The following BRINP2 variants were observed in gnomAD, a reference collection of about 807,000 sequenced individuals.
BRINP2 encodes BMP/retinoic acid inducible neural specific 2, also known as BMP/retinoic acid-inducible neural-specific protein 2.
A neutral mutation model predicts 69.2 loss-of-function variants in BRINP2; 21 were observed. That is an observed-to-expected ratio of 0.30 (90% CI 0.22 to 0.44). BRINP2 has a LOEUF of 0.44. BRINP2 is among the 20% of genes least tolerant of loss of function. The pLI, the probability that BRINP2 is intolerant of heterozygous loss-of-function variation, is 1.00. For synonymous variants in BRINP2, 380 were observed against 394.1 expected (o/e 0.96, Z 0.42); for missense variants, 877 against 986.0 (o/e 0.89, Z 1.48).
chr1:177,223,073 G>A (rs2102319966), intron 1 of BRINP2, among the ~76,000 whole-genome samples: 1 of 152,250 alleles, frequency 6.6e-6, no homozygotes, highest in Non-Finnish European at 1.5e-5. Context: ...GGGAGGCTCC[G>A]GAGTAGAAGG....
intron 1 of BRINP2, among the ~76,000 whole-genome samples, chr1:177,227,748 T>A (rs1191368088): frequency 6.6e-6 from 1 of 152,202 alleles, no homozygotes; most frequent in African/African-American, 2.4e-5. Flanking sequence ...AAATATTCCA[T>A]CCTCCATGCA....
intron 1 of BRINP2, among the ~76,000 whole-genome samples, chr1:177,177,364 C>A (rs1048452657): frequency 6.6e-6 from 1 of 152,164 alleles, no homozygotes; most frequent in Non-Finnish European, 1.5e-5. Flanking sequence ...GGAGAAGACA[C>A]AATAATTGAA....
intron 2 of BRINP2, among the ~76,000 whole-genome samples, chr1:177,244,584 C>T (rs547738135): frequency 2.2e-4 from 34 of 152,296 alleles, no homozygotes; most frequent in South Asian, 8.3e-4. Flanking sequence ...GAGCCGAGAT[C>T]ATGCCACTAC....
chr1:177,275,307 A>G (rs1651457349), intron 5 of BRINP2: 1 of 451,690 alleles, frequency 2.2e-6, no homozygotes, highest in African/African-American at 2.0e-5. Context: ...AGTGCATTCT[A>G]TCCAAGATCA....
chr1:177,257,479 G>A lies in BRINP2; in HGVS notation c.669+95G>A, dbSNP rs149400983. The A allele has an allele frequency of 1.7e-4, 200 of 1,195,706 alleles. 1 individual carries two copies. The African/African-American group carries it at 2.5e-3, about 15-fold the overall frequency. The allele number at this position is 1,195,706 out of a possible 1,614,324, so 74.1% of individuals were successfully genotyped here. ...CAACCATCTCTAGGTCAGCTGGGCCGACTGATGGAAGAGGAAAAGAAGCTT... is the reference window on the plus strand; with the variant it reads ...CAACCATCTCTAGGTCAGCTGGGCCAACTGATGGAAGAGGAAAAGAAGCTT... On this transcript the variant is annotated intron_variant, in intron 4 of 7. Transcript: ENST00000361539.
intron 1 of BRINP2, among the ~76,000 whole-genome samples, chr1:177,198,445 C>A (rs1479643596): frequency 1.3e-5 from 2 of 152,180 alleles, no homozygotes; most frequent in East Asian, 3.8e-4. Flanking sequence ...TGCACACACA[C>A]ACCCAGTTCT....
intron 3 of BRINP2, chr1:177,256,372 G>A (rs897346001): frequency 1.0e-6 from 1 of 985,422 alleles, no homozygotes; most frequent in African/African-American, 1.7e-5. Context: ...TTGCCAGCAG[G>A]GGGCACTCCC....
intron 4 of BRINP2, among the ~76,000 whole-genome samples, chr1:177,259,953 G>A (rs1485457744): frequency 1.3e-5 from 2 of 152,182 alleles, no homozygotes; most frequent in East Asian, 1.9e-4. Context: ...GAATCAAGGA[G>A]TAATTTTGAC....
intron 2 of BRINP2, among the ~76,000 whole-genome samples, chr1:177,234,723 G>C (rs1457878880): frequency 6.6e-6 from 1 of 152,150 alleles, no homozygotes; most frequent in Non-Finnish European, 1.5e-5. Flanking sequence ...TCTACTTCTA[G>C]CTACCTCTTT....
At chr1:177,186,334 G>T (rs561322618) in intron 1 of BRINP2, among the ~76,000 whole-genome samples, 4 of 151,072 alleles carry the variant, frequency 2.6e-5, no homozygotes, top group African/African-American at 7.3e-5. Flanking sequence ...ATACAAAAAA[G>T]AAAAAAAGGA....
intron 4 of BRINP2, among the ~76,000 whole-genome samples, chr1:177,265,279 TC>T (rs1651081792): frequency 6.6e-6 from 1 of 152,162 alleles, no homozygotes; most frequent in African/African-American, 2.4e-5. Context: ...CTGGACCCCT[TC>T]CTTACACCTT....
chr1:177,230,187 C>T (rs3176442), intron 2 of BRINP2, 42 bp downstream of exon 2: 611,641 of 1,550,076 alleles, frequency 0.39, 124,279 homozygotes, highest in East Asian at 0.53. Flanking sequence ...TCCCTAAGAA[C>T]CCAACCTGCA....
intron 1 of BRINP2, among the ~76,000 whole-genome samples, chr1:177,175,700 G>A (rs990443161): frequency 6.6e-6 from 1 of 152,254 alleles, no homozygotes; most frequent in African/African-American, 2.4e-5. Flanking sequence ...CAAGAACCCA[G>A]TCTGTTTGTT....
chr1:177,204,118 T>C (rs924021029), intron 1 of BRINP2, among the ~76,000 whole-genome samples: 2 of 152,204 alleles, frequency 1.3e-5, no homozygotes, highest in African/African-American at 4.8e-5. Flanking sequence ...AATTCCAAGA[T>C]GCATCCTACG....
chr1:177,226,796 T>C (rs1310752520), intron 1 of BRINP2, among the ~76,000 whole-genome samples: 1 of 152,174 alleles, frequency 6.6e-6, no homozygotes, highest in Non-Finnish European at 1.5e-5. Context: ...GTTCCCATTT[T>C]CTTGCTAGCT....
At chr1:177,222,016 C>G (rs1421020633) in intron 1 of BRINP2, among the ~76,000 whole-genome samples, 3 of 152,172 alleles carry the variant, frequency 2.0e-5, no homozygotes, top group Non-Finnish European at 4.4e-5. Flanking sequence ...TTGAACCCAT[C>G]ACTACAGTCA....
intron 1 of BRINP2, among the ~76,000 whole-genome samples, chr1:177,222,456 C>T (rs1363526140): frequency 2.0e-5 from 3 of 152,076 alleles, no homozygotes; most frequent in East Asian, 1.9e-4. Context: ...GGATTACAGG[C>T]ACCTGCCATC....
chr1:177,211,773 AAAGTT>A (rs983391256), intron 1 of BRINP2, among the ~76,000 whole-genome samples: 23 of 152,194 alleles, frequency 1.5e-4, no homozygotes, highest in African/African-American at 5.1e-4. Context: ...TGTCCACAGT[AAAGTT>A]ATTTTTTTTC....
At chr1:177,182,309 A>G (rs948795237) in intron 1 of BRINP2, among the ~76,000 whole-genome samples, 27 of 152,062 alleles carry the variant, frequency 1.8e-4, no homozygotes, top group African/African-American at 6.5e-4. Flanking sequence ...AATTTGTGTT[A>G]AGGTATTAAT....
Sources: allele counts gnomAD v4.1 joint callset (sites outside exome capture counted in the v4.1 genomes callset), GRCh38; gene constraint gnomAD v4.1.1; transcripts MANE v1.5; gene names NCBI Gene and HGNC (gene_info 2026-07-23, HGNC 2026-07-21).